The following ROBO1 variants were observed in gnomAD, a reference collection of about 807,000 sequenced individuals.
ROBO1 encodes the protein roundabout homolog 1.
In ROBO1, 149 loss-of-function variants were observed where a neutral mutation model predicts 195.9. The ratio of observed to expected loss-of-function variants is 0.76; its 90% CI spans 0.67 to 0.87. ROBO1 has a LOEUF of 0.87. ROBO1 is among the 40% of genes least tolerant of loss of function. The pLI is 0.00. For missense variants in ROBO1, 1,933 were observed against 2,068.3 expected, an observed-to-expected ratio of 0.93 and a Z score of 1.27; for synonymous variants, 816 against 733.2, an observed-to-expected ratio of 1.11 and a Z score of -1.82.
At chr3:78,727,344 C>T (rs1374291503) in intron 5 of ROBO1, among the ~76,000 whole-genome samples, 13 of 152,224 alleles carry the variant, frequency 8.5e-5, no homozygotes, top group African/African-American at 3.1e-4. Context: ...AACTACATCT[C>T]GGCCGGGCGC....
intron 3 of ROBO1, among the ~76,000 whole-genome samples, chr3:79,058,452 G>A (rs1021299898): frequency 3.3e-5 from 5 of 151,954 alleles, no homozygotes; most frequent in Non-Finnish European, 5.9e-5. Flanking sequence ...CCAGAACTTT[G>A]GACATTGGCT....
intron 2 of ROBO1, among the ~76,000 whole-genome samples, chr3:79,248,592 A>G (rs868622377): frequency 2.8e-4 from 42 of 152,292 alleles, no homozygotes; most frequent in African/African-American, 9.6e-4. Context: ...TTGTGATTCA[A>G]TATAAACATA....
At chr3:79,433,586 TG>T (rs2038766049) in intron 2 of ROBO1, among the ~76,000 whole-genome samples, 1 of 152,046 alleles carries the variant, frequency 6.6e-6, no homozygotes, top group African/African-American at 2.4e-5. Flanking sequence ...TCCATGTTCA[TG>T]GGTAGGAAGA....
intron 1 of ROBO1, among the ~76,000 whole-genome samples, chr3:79,725,774 G>T (rs142016519): frequency 6.6e-6 from 1 of 152,082 alleles, no homozygotes; most frequent in East Asian, 1.9e-4. Flanking sequence ...TTACTGATAA[G>T]CTTGCTAAAA....
intron 2 of ROBO1, among the ~76,000 whole-genome samples, chr3:79,589,216 C>A (rs1233757219): frequency 2.0e-5 from 3 of 151,446 alleles, no homozygotes; most frequent in East Asian, 1.9e-4. Context: ...ATACATTGGA[C>A]CTAATTAATT....
At chr3:79,494,671 T>C (rs1939635491) in intron 2 of ROBO1, among the ~76,000 whole-genome samples, 1 of 151,734 alleles carries the variant, frequency 6.6e-6, no homozygotes, top group African/African-American at 2.4e-5. Flanking sequence ...AGGAGAATAG[T>C]AAAGAAAGCA....
intron 3 of ROBO1, among the ~76,000 whole-genome samples, chr3:79,035,295 A>G (rs555844429): frequency 6.6e-6 from 1 of 152,324 alleles, no homozygotes; most frequent in South Asian, 2.1e-4. Flanking sequence ...TGCAGTAGGC[A>G]GCAGGCGCTA....
chr3:79,261,812 A>G (rs1335730598), intron 2 of ROBO1, among the ~76,000 whole-genome samples: 1 of 152,072 alleles, frequency 6.6e-6, no homozygotes, highest in Non-Finnish European at 1.5e-5. Context: ...TTTTATCAAT[A>G]TGTTACTGGA....
At chr3:79,123,149 C>T (rs940436768) in intron 3 of ROBO1, among the ~76,000 whole-genome samples, 5 of 151,678 alleles carry the variant, frequency 3.3e-5, no homozygotes, top group Non-Finnish European at 7.4e-5. Context: ...GCTGCTATGC[C>T]CAGGGTTATT....
At chr3:79,426,996 C>T (rs551848037) in intron 2 of ROBO1, among the ~76,000 whole-genome samples, 3 of 152,134 alleles carry the variant, frequency 2.0e-5, no homozygotes, top group African/African-American at 4.8e-5. Flanking sequence ...ATCCTTATCC[C>T]GGTTTTATAA....
chr3:78,632,853 A>T (rs1431893481), intron 24 of ROBO1, among the ~76,000 whole-genome samples: 1 of 152,214 alleles, frequency 6.6e-6, no homozygotes, highest in East Asian at 1.9e-4. Context: ...GATTTTCTTA[A>T]AAGTAGATCC....
At chr3:79,195,508 C>A (rs978010343) in intron 2 of ROBO1, among the ~76,000 whole-genome samples, 2 of 151,472 alleles carry the variant, frequency 1.3e-5, no homozygotes, top group Admixed American at 6.6e-5. Context: ...TTTCATAGAA[C>A]TTTTTACTTT....
intron 21 of ROBO1, among the ~76,000 whole-genome samples, chr3:78,643,927 A>C (rs1411438822): frequency 6.6e-6 from 1 of 152,120 alleles, no homozygotes; most frequent in Non-Finnish European, 1.5e-5. Context: ...GCAGTAATGG[A>C]TACAGGAGGT....
chr3:79,382,739 G>GT (rs2109380949), intron 2 of ROBO1, among the ~76,000 whole-genome samples: 1 of 152,186 alleles, frequency 6.6e-6, no homozygotes, highest in African/African-American at 2.4e-5. Flanking sequence ...AATAACTAGT[G>GT]TTTTTTGATA....
At chr3:79,167,581 T>C (rs1442488663) in intron 2 of ROBO1, among the ~76,000 whole-genome samples, 1 of 152,206 alleles carries the variant, frequency 6.6e-6, no homozygotes, top group Non-Finnish European at 1.5e-5. Flanking sequence ...CTGTCCCAAC[T>C]AGTTACTTCC....
At chr3:78,630,819 A>G (rs1178229108) in intron 25 of ROBO1, among the ~76,000 whole-genome samples, 2 of 152,220 alleles carry the variant, frequency 1.3e-5, no homozygotes, top group Non-Finnish European at 2.9e-5. Flanking sequence ...TCTTTCAAAA[A>G]TTTCAAGACC....
At chr3:79,331,035 A>G (rs1377558689) in intron 2 of ROBO1, among the ~76,000 whole-genome samples, 1 of 152,226 alleles carries the variant, frequency 6.6e-6, no homozygotes, top group South Asian at 2.1e-4. Context: ...GTCTTTCTAC[A>G]CTTGATAGGA....
intron 1 of ROBO1, among the ~76,000 whole-genome samples, chr3:79,660,773 C>G (rs1052822308): frequency 1.5e-4 from 23 of 152,036 alleles, no homozygotes; most frequent in Non-Finnish European, 1.9e-4. Flanking sequence ...CAAATGGGCA[C>G]GTACAGCAAC....
chr3:78,983,589 C>T (rs994919403), intron 3 of ROBO1, among the ~76,000 whole-genome samples: 2 of 152,258 alleles, frequency 1.3e-5, no homozygotes, highest in Admixed American at 6.5e-5. Context: ...AAACTAATAA[C>T]GTAATCTCTA....
Sources: allele counts gnomAD v4.1 joint callset (sites outside exome capture counted in the v4.1 genomes callset), GRCh38; gene constraint gnomAD v4.1.1; transcripts MANE v1.5; gene names NCBI Gene and HGNC (gene_info 2026-07-23, HGNC 2026-07-21).